PBX3: variants seen among roughly 807,000 people sequenced by gnomAD.
PBX3 encodes PBX homeobox 3.
PBX3 carries 14 observed loss-of-function variants against 48.5 expected under a neutral mutation model. That is an observed-to-expected ratio of 0.29 (90% CI 0.19 to 0.45). The LOEUF (loss-of-function observed/expected upper bound fraction) is 0.45. Ranked by LOEUF, PBX3 falls within the 20% of genes least tolerant of loss-of-function variation. The pLI, the probability that PBX3 is intolerant of heterozygous loss-of-function variation, is 1.00. For missense variants in PBX3, 386 were observed against 546.7 expected (o/e 0.71, Z 2.93); for synonymous variants, 210 against 200.3 (o/e 1.05, Z -0.41).
intron 2 of PBX3, among the ~76,000 whole-genome samples, chr9:125,857,832 T>G (rs1839761733): frequency 6.6e-6 from 1 of 152,238 alleles, no homozygotes; most frequent in Non-Finnish European, 1.5e-5. Context: ...AAAGTGTATG[T>G]AAACACATTA....
intron 2 of PBX3, among the ~76,000 whole-genome samples, chr9:125,751,431 C>T (rs536794561): frequency 4.8e-4 from 73 of 152,310 alleles, no homozygotes; most frequent in African/African-American, 1.7e-3. Context: ...ACATCTGTTT[C>T]CCCCTCTACC....
At chr9:125,762,819 T>A (rs1836704967) in intron 2 of PBX3, among the ~76,000 whole-genome samples, 2 of 152,126 alleles carry the variant, frequency 1.3e-5, no homozygotes, top group South Asian at 4.1e-4. Flanking sequence ...TCTAAAGCGG[T>A]CAAAAAAATC....
At chr9:125,858,738 G>A (rs2132282465) in intron 2 of PBX3, among the ~76,000 whole-genome samples, 1 of 148,608 alleles carries the variant, frequency 6.7e-6, no homozygotes, top group Middle Eastern at 3.4e-3. Context: ...CTATTCTCCT[G>A]CCTCAGCCTC....
At chr9:125,815,503 A>G (rs1272974985) in intron 2 of PBX3, among the ~76,000 whole-genome samples, 1 of 152,302 alleles carries the variant, frequency 6.6e-6, no homozygotes, top group African/African-American at 2.4e-5. Context: ...GGTTCCTCGT[A>G]TAACATAAGC....
chr9:125,913,119 A>G (rs1841241414), intron 2 of PBX3, among the ~76,000 whole-genome samples: 1 of 152,164 alleles, frequency 6.6e-6, no homozygotes, highest in Non-Finnish European at 1.5e-5. Context: ...CAGACTAGTT[A>G]TGAAAATTCC....
In PBX3 at chr9:125,786,280, G is replaced by A. The variant is rs568005937; in HGVS notation, c.274+37657G>A. Among the ~76,000 whole-genome samples, 7 of 152,290 alleles carry A rather than the reference G, an allele frequency of 4.6e-5. No homozygotes were observed. The East Asian group carries it at 1.3e-3, about 29-fold the overall frequency. ...CACCTGCTTATCATGGAAAATGCAA[G>A]GGTGTTTAAGATCATCAGGGAGAGT... On this transcript the variant is annotated intron_variant, in intron 2 of 8. Coordinates refer to ENST00000373489, the MANE Select transcript of PBX3 (RefSeq NM_006195.6).
At position 125,901,508 on chromosome 9, in the gene PBX3, G is replaced by GCTAT. The variant is rs529693275; in HGVS notation, c.275-14177_275-14174dup. ...TATGATCAATAGTTTCTGCTGAACG[G>GCTAT]CTATATATGTATAGGTTTTAGTATA... On this transcript the variant is annotated intron_variant, in intron 2 of 8. Transcript: ENST00000373489. 2.0e-5 allele frequency among the ~76,000 whole-genome samples: 3 copies of GCTAT among 151,732 alleles called. No homozygotes were observed. In the South Asian group the frequency reaches 6.2e-4, roughly 31 times the overall value.
intron 4 of PBX3, among the ~76,000 whole-genome samples, chr9:125,930,745 C>G (rs1031205971): frequency 6.6e-6 from 1 of 152,168 alleles, no homozygotes; most frequent in African/African-American, 2.4e-5. Flanking sequence ...TGTACATGGG[C>G]TAGCACAGTA....
At chr9:125,896,627 G>A (rs1460185105) in intron 2 of PBX3, among the ~76,000 whole-genome samples, 1 of 152,032 alleles carries the variant, frequency 6.6e-6, no homozygotes, top group Non-Finnish European at 1.5e-5. Context: ...CTGTATATAA[G>A]TAATCATTTA....
At chr9:125,813,124 A>AT (rs1838343691) in intron 2 of PBX3, among the ~76,000 whole-genome samples, 1 of 152,194 alleles carries the variant, frequency 6.6e-6, no homozygotes, top group South Asian at 2.1e-4. Flanking sequence ...ATAAACTTTA[A>AT]TTTTTAACTT....
At chr9:125,771,557 A>G (rs894172801) in intron 2 of PBX3, among the ~76,000 whole-genome samples, 1 of 152,202 alleles carries the variant, frequency 6.6e-6, no homozygotes, top group Non-Finnish European at 1.5e-5. Flanking sequence ...AACAAGAAGT[A>G]AGGTTACTCT....
intron 2 of PBX3, among the ~76,000 whole-genome samples, chr9:125,841,043 CA>C (rs1372790104): frequency 3.9e-5 from 6 of 152,228 alleles, no homozygotes; most frequent in African/African-American, 1.4e-4. Flanking sequence ...TATGTACTAA[CA>C]CTAGGGCTAA....
intron 3 of PBX3, among the ~76,000 whole-genome samples, chr9:125,919,838 A>G (rs545977189): frequency 6.6e-6 from 1 of 152,364 alleles, no homozygotes; most frequent in African/African-American, 2.4e-5. Flanking sequence ...CTAAGCAGAC[A>G]GACTAGAGCT....
chr9:125,926,672 T>C (rs1841584396), intron 3 of PBX3, among the ~76,000 whole-genome samples: 1 of 150,640 alleles, frequency 6.6e-6, no homozygotes. Context: ...CAAAAAAAAT[T>C]ACCCGGGCAT....
chr9:125,812,029 T>C (rs1838305049), intron 2 of PBX3, among the ~76,000 whole-genome samples: 1 of 152,220 alleles, frequency 6.6e-6, no homozygotes, highest in Non-Finnish European at 1.5e-5. Context: ...TATTTGTCCT[T>C]TCTGCCTTGT....
intron 2 of PBX3, among the ~76,000 whole-genome samples, chr9:125,858,251 G>C (rs1244108897): frequency 2.0e-5 from 3 of 152,156 alleles, no homozygotes; most frequent in African/African-American, 7.2e-5. Context: ...TGTAGTCCTA[G>C]CTACTTGGGA....
At chr9:125,844,223 A>G (rs980012944) in intron 2 of PBX3, among the ~76,000 whole-genome samples, 4 of 151,210 alleles carry the variant, frequency 2.6e-5, no homozygotes, top group East Asian at 3.9e-4. Flanking sequence ...ATTTTAGGTC[A>G]CATTGAACTT....
intron 2 of PBX3, among the ~76,000 whole-genome samples, chr9:125,793,366 A>AATATATATATATATATATAT (rs1554855765): frequency 7.4e-4 from 75 of 101,896 alleles, no homozygotes; most frequent in African/African-American, 2.9e-3. Context: ...GGAAAAAAAA[A>AATATATATATATATATATAT]ATATATATAT....
intron 2 of PBX3, among the ~76,000 whole-genome samples, chr9:125,906,250 A>G (rs1841069241): frequency 6.6e-6 from 1 of 152,028 alleles, no homozygotes; most frequent in South Asian, 2.1e-4. Context: ...AATAATACAG[A>G]TAAAACTTTA....
Sources: gnomAD v4.1 joint callset for allele counts (sites outside exome capture counted in the v4.1 genomes callset) on GRCh38, gnomAD v4.1.1 for gene constraint, MANE v1.5 for transcripts, NCBI Gene and HGNC (gene_info 2026-07-23, HGNC 2026-07-21) for gene names.